The following RPS6KA6 variants were observed in gnomAD, a reference collection of about 807,000 sequenced individuals.
The protein encoded by RPS6KA6 is ribosomal protein S6 kinase alpha-6.
RPS6KA6 carries 27 observed loss-of-function variants against 65.4 expected under a neutral mutation model. That is an observed-to-expected ratio of 0.41 (90% CI 0.30 to 0.57). The LOEUF is 0.57. Ranked by LOEUF, RPS6KA6 falls within the 20% of genes least tolerant of loss-of-function variation. The pLI is 0.24. For missense variants in RPS6KA6, 486 were observed against 555.6 expected (o/e 0.87, Z 1.26); for synonymous variants, 190 against 184.2 (o/e 1.03, Z -0.26).
chrX:84,177,073 G>A (rs772586925), intron 1 of RPS6KA6, among the ~76,000 whole-genome samples: 17 of 111,371 alleles, frequency 1.5e-4, no homozygotes, highest in African/African-American at 5.5e-4. Flanking sequence ...ACGAAAAAAA[G>A]ACAGCCTTAC....
At chrX:84,081,903 T>C (rs2033808396) in intron 20 of RPS6KA6, among the ~76,000 whole-genome samples, 1 of 112,157 alleles carries the variant, frequency 8.9e-6, no homozygotes, top group South Asian at 3.7e-4. Flanking sequence ...CACCCGTTCA[T>C]GCTAAAAACT....
intron 20 of RPS6KA6, among the ~76,000 whole-genome samples, chrX:84,079,948 A>T (rs1192971476): frequency 8.9e-6 from 1 of 111,927 alleles, no homozygotes; most frequent in Non-Finnish European, 1.9e-5. Context: ...AGAGCAGTGG[A>T]TCTCCCAGCG....
At chrX:84,100,758 CAG>C (rs2034244054) in intron 18 of RPS6KA6, among the ~76,000 whole-genome samples, 1 of 110,338 alleles carries the variant, frequency 9.1e-6, no homozygotes, top group African/African-American at 3.3e-5. Flanking sequence ...TATGTTGTAA[CAG>C]ATAAAAACTT....
chrX:84,102,696 T>C (rs1158606581), intron 17 of RPS6KA6, among the ~76,000 whole-genome samples: 1 of 110,877 alleles, frequency 9.0e-6, no homozygotes, highest in Non-Finnish European at 1.9e-5. Context: ...TATACTCTGA[T>C]GAGGAGTACA....
At chrX:84,146,734 T>C (rs902097691) in intron 5 of RPS6KA6, among the ~76,000 whole-genome samples, 1 of 111,782 alleles carries the variant, frequency 8.9e-6, no homozygotes, top group Non-Finnish European at 1.9e-5. Flanking sequence ...ACCAGACAGG[T>C]AAGTGAAAAA....
At chrX:84,095,315 A>G (rs1482346083) in intron 20 of RPS6KA6, among the ~76,000 whole-genome samples, 1 of 112,007 alleles carries the variant, frequency 8.9e-6, no homozygotes, top group Non-Finnish European at 1.9e-5. Flanking sequence ...TGTAGCTTAA[A>G]AGCTTCTGGG....
chrX:84,153,809 G>A (rs1375754945), intron 3 of RPS6KA6, among the ~76,000 whole-genome samples: 4 of 109,904 alleles, frequency 3.6e-5, no homozygotes, highest in Admixed American at 1.9e-4. Flanking sequence ...ATCCTAGGGG[G>A]AAAAAAAAGC....
intron 18 of RPS6KA6, among the ~76,000 whole-genome samples, chrX:84,101,682 G>A (rs2034262161): frequency 9.0e-6 from 1 of 110,504 alleles, no homozygotes; most frequent in Non-Finnish European, 1.9e-5. Flanking sequence ...GCTGGGTCTT[G>A]AATAAGTCAT....
At chrX:84,176,059 T>A (rs1390038735) in intron 1 of RPS6KA6, among the ~76,000 whole-genome samples, 1 of 112,251 alleles carries the variant, frequency 8.9e-6, no homozygotes, top group Non-Finnish European at 1.9e-5. Context: ...TACTACTGAG[T>A]TAAACTAAGT....
chrX:84,073,255 C>A (rs991397474), intron 20 of RPS6KA6, among the ~76,000 whole-genome samples: 5 of 111,519 alleles, frequency 4.5e-5, no homozygotes, highest in African/African-American at 1.6e-4. Flanking sequence ...TCAATAAAGG[C>A]AGCAGGAACA....
At chrX:84,186,012 A>G in intron 1 of RPS6KA6, 1 of 507,188 alleles carries the variant, frequency 2.0e-6, no homozygotes, top group South Asian at 2.5e-5. Flanking sequence ...CTAACCAATC[A>G]TAACTGTTTT....
chrX:84,110,507 C>T (rs1383075442), intron 12 of RPS6KA6, among the ~76,000 whole-genome samples: 2 of 112,052 alleles, frequency 1.8e-5, no homozygotes, highest in African/African-American at 6.5e-5. Context: ...AAGTGCATAC[C>T]GATCTGCTTT....
At chrX:84,070,125 C>T (rs192890086) in intron 20 of RPS6KA6, among the ~76,000 whole-genome samples, 7 of 112,069 alleles carry the variant, frequency 6.2e-5, no homozygotes, top group Non-Finnish European at 1.1e-4. Context: ...TTTATTGCAG[C>T]GCTATTTACA....
chrX:84,157,764 G>GC (rs1569238778), intron 2 of RPS6KA6, among the ~76,000 whole-genome samples: 2 of 110,723 alleles, frequency 1.8e-5, no homozygotes, highest in African/African-American at 6.6e-5. Flanking sequence ...ATTGGCATCA[G>GC]TTTTTTTAGA....
chrX:84,182,191 AAAACGTCTCTTATCTGCAAAAGCCAGAT>A (rs765960524), intron 1 of RPS6KA6, among the ~76,000 whole-genome samples: 281 of 110,504 alleles, frequency 2.5e-3, no homozygotes, highest in African/African-American at 9.0e-3. Context: ...GGCAATTTAG[AAAACGTCTCTTATCTGCAAAAGCCAGAT>A]TTAGCTCAGC....
At chrX:84,147,603 T>C (rs1173783055) in intron 4 of RPS6KA6, among the ~76,000 whole-genome samples, 1 of 111,667 alleles carries the variant, frequency 9.0e-6, no homozygotes, top group Non-Finnish European at 1.9e-5. Flanking sequence ...TGAGCCACCA[T>C]GCCCGGCCTA....
chrX:84,067,936 C>T (rs1301521557), intron 20 of RPS6KA6, among the ~76,000 whole-genome samples: 1 of 112,000 alleles, frequency 8.9e-6, no homozygotes, highest in Non-Finnish European at 1.9e-5. Context: ...AGAAACCCTA[C>T]AAGCCTGAAG....
Position 84,186,017 on chromosome X carries a change from T to C in RPS6KA6, c.81+1802A>G, listed in dbSNP as rs189220299. 6.9e-5 allele frequency: 35 copies of C among 506,514 alleles called. No homozygotes were observed. The African/African-American group carries it at 7.4e-4, about 11-fold the overall frequency. 41.7% of individuals were successfully genotyped at this position (506,514 alleles called of 1,213,427 possible). A position where few individuals can be genotyped will look rare whatever the true frequency, so the allele number is the denominator to read the frequency against. On this transcript the variant is annotated intron_variant, in intron 1 of 21. Transcript: ENST00000262752. ...AGGGTTAAATCTAACCAATCATAACTGTTTTAGAGAAAGAAGGCAGAAATA... is the reference window on the plus strand; with the variant it reads ...AGGGTTAAATCTAACCAATCATAACCGTTTTAGAGAAAGAAGGCAGAAATA...
chrX:84,097,257 C>T (rs1435413165), intron 19 of RPS6KA6, among the ~76,000 whole-genome samples: 1 of 111,305 alleles, frequency 9.0e-6, no homozygotes, highest in Admixed American at 9.6e-5. Context: ...AAAGTATCAA[C>T]ATTAACATAG....
Sources: gnomAD v4.1 joint callset for allele counts (sites outside exome capture counted in the v4.1 genomes callset) on GRCh38, gnomAD v4.1.1 for gene constraint, MANE v1.5 for transcripts, NCBI Gene and HGNC (gene_info 2026-07-23, HGNC 2026-07-21) for gene names.